HTR2C: variants seen among roughly 807,000 people sequenced by gnomAD.
The protein encoded by HTR2C is 5-hydroxytryptamine receptor 2C.
Under a neutral mutation model 21.0 loss-of-function variants are expected in HTR2C, and 5 were observed. The observed-to-expected ratio is 0.24, with a 90% CI of 0.12 to 0.50. The LOEUF (loss-of-function observed/expected upper bound fraction) is 0.50, where lower values mean the gene tolerates loss of function less well. Ranked by LOEUF, HTR2C falls within the 20% of genes least tolerant of loss-of-function variation. The probability of loss-of-function intolerance (pLI) is 0.98; values close to 1 mark genes in which losing one functional copy is unlikely to be tolerated. For synonymous variants in HTR2C, 150 were observed against 145.3 expected (o/e 1.03, Z -0.23); for missense variants, 271 against 371.2 (o/e 0.73, Z 2.22).
chrX:114,825,481 C>T (rs1468029116), intron 4 of HTR2C, among the ~76,000 whole-genome samples: 2 of 111,881 alleles, frequency 1.8e-5, no homozygotes, highest in Admixed American at 1.9e-4. Flanking sequence ...AGACAACACA[C>T]GTTGTTTGAT....
At chrX:114,775,817 C>T (rs1312681513) in intron 4 of HTR2C, 6 of 392,888 alleles carry the variant, frequency 1.5e-5, no homozygotes, top group South Asian at 3.5e-5. Flanking sequence ...TTTGACATCT[C>T]GAATGGCTTT....
intron 4 of HTR2C, among the ~76,000 whole-genome samples, chrX:114,839,857 T>A (rs2070818501): frequency 9.0e-6 from 1 of 110,872 alleles, no homozygotes; most frequent in South Asian, 3.8e-4. Flanking sequence ...TGCCTAAATC[T>A]CTAGATGACA....
intron 2 of HTR2C, among the ~76,000 whole-genome samples, chrX:114,724,932 T>A (rs1300514163): frequency 9.1e-6 from 1 of 109,590 alleles, no homozygotes; most frequent in Admixed American, 9.8e-5. Flanking sequence ...GACCTTTCTC[T>A]CTGGCTGCCT....
intron 1 of HTR2C, among the ~76,000 whole-genome samples, chrX:114,585,425 G>A (rs1313529726): frequency 1.3e-4 from 15 of 111,169 alleles, no homozygotes; most frequent in Admixed American, 1.1e-3. Flanking sequence ...ATTTTGAAAA[G>A]GATTGCGAAA....
Position 114,815,130 on chromosome X carries a change from A to G in HTR2C, c.350-32873A>G, listed in dbSNP as rs189770806. 7.1e-4 allele frequency among the ~76,000 whole-genome samples: 77 copies of G among 108,986 alleles called. No individual in the cohort carries two copies. In the East Asian group the frequency reaches 8.5e-3, roughly 12 times the overall value. 94.6% of individuals were successfully genotyped at this position (108,986 alleles called of 115,157 possible). A position where few individuals can be genotyped will look rare whatever the true frequency, so the allele number is the denominator to read the frequency against. On this transcript the variant is annotated intron_variant, in intron 4 of 5. Transcript: ENST00000276198. Reference sequence around the variant, plus strand: ...ACAGGTTTTCCTAGGAATATTGAGTAAAGTGCCTTTTCTGTACCTCTTTCA... The same window carrying G: ...ACAGGTTTTCCTAGGAATATTGAGTGAAGTGCCTTTTCTGTACCTCTTTCA...
chrX:114,589,722 AG>A, intron 1 of HTR2C: 1 of 269,597 alleles, frequency 3.7e-6, no homozygotes, highest in Non-Finnish European at 6.9e-6. Context: ...CTGTATGCCC[AG>A]GGAAAGCAGC....
chrX:114,639,628 T>C (rs781977122), intron 2 of HTR2C: 1 of 113,105 alleles, frequency 8.8e-6, no homozygotes, highest in South Asian at 3.7e-4. Flanking sequence ...AACACAGTGG[T>C]AATGTTTTGA....
chrX:114,726,196 G>C (rs5988116), intron 2 of HTR2C, among the ~76,000 whole-genome samples: 3 of 112,564 alleles, frequency 2.7e-5, no homozygotes, highest in African/African-American at 6.4e-5. Flanking sequence ...CTCGGAACCA[G>C]GTGCAGGATA....
At chrX:114,777,561 A>T (rs2070070937) in intron 4 of HTR2C, among the ~76,000 whole-genome samples, 1 of 111,697 alleles carries the variant, frequency 9.0e-6, no homozygotes, top group African/African-American at 3.3e-5. Context: ...ATTGGTATTT[A>T]TTTATTCATT....
At chrX:114,859,599 T>C (rs1556472313) in intron 5 of HTR2C, among the ~76,000 whole-genome samples, 1 of 111,184 alleles carries the variant, frequency 9.0e-6, no homozygotes, top group Non-Finnish European at 1.9e-5. Context: ...GTGTTTAGTT[T>C]ACTAAGAGTT....
chrX:114,668,692 A>AT (rs1235935395), intron 2 of HTR2C, among the ~76,000 whole-genome samples: 2 of 110,338 alleles, frequency 1.8e-5, no homozygotes, highest in Non-Finnish European at 3.8e-5. Context: ...ACCAAGAATT[A>AT]TTTTTTTTAC....
At chrX:114,675,097 C>T (rs1556412310) in intron 2 of HTR2C, among the ~76,000 whole-genome samples, 1 of 112,114 alleles carries the variant, frequency 8.9e-6, no homozygotes, top group East Asian at 2.8e-4. Context: ...GTAAATATTA[C>T]ATTAACATTT....
At chrX:114,807,129 C>T (rs375063427) in intron 4 of HTR2C, among the ~76,000 whole-genome samples, 987 of 9,202 alleles carry the variant, frequency 0.11, 413 homozygotes, top group Admixed American at 0.25. Context: ...ACCATATATA[C>T]ACCATATATA....
rs1265237405 is a variant in HTR2C, at chrX:114,909,221, G to C, written c.*1806G>C. On this transcript the variant is annotated 3_prime_UTR_variant, in exon 6 of 6. Coordinates refer to ENST00000276198, the MANE Select transcript of HTR2C (RefSeq NM_000868.4). ...TCAAGTCTACCTGCCTTGCCTGTTA[G>C]GTCTGTTGAAGTGCATGTTAAAATA... The C allele has an allele frequency of 3.6e-5, 4 of 112,417 alleles. No individual in the cohort carries two copies. Among genetic ancestry groups the C allele is most frequent in the Non-Finnish European group, 7.5e-5 (4 of 53,258 alleles). The allele number at this position is 112,417 out of a possible 1,213,427, so 9.3% of individuals were successfully genotyped here.
Position 114,798,878 on chromosome X carries a change from C to A in HTR2C, c.350-49125C>A, listed in dbSNP as rs56724129. Among the ~76,000 whole-genome samples the A allele has an allele frequency of 4.9e-3, 545 of 110,653 alleles. 2 individuals are homozygous for A. The highest frequency in any genetic ancestry group is 0.017 in the African/African-American group (524 of 30,567). ...CTCCTAAAACATTAGGAAACATCTC[C>A]TGTTAATTAAGTAGCTAATTACTGA... On this transcript the variant is annotated intron_variant, in intron 4 of 5. Coordinates refer to ENST00000276198, the MANE Select transcript of HTR2C (RefSeq NM_000868.4).
rs1420871390 is a variant in HTR2C, at chrX:114,909,147, T to G, written c.*1732T>G. On this transcript the variant is annotated 3_prime_UTR_variant, in exon 6 of 6. Coordinates refer to ENST00000276198, the MANE Select transcript of HTR2C (RefSeq NM_000868.4). Reference sequence around the variant, plus strand: ...ACAGTCTCTATTTGATTTGCAACACTGCCAAACATCAGTCAATTGCTTGAG... The same window carrying G: ...ACAGTCTCTATTTGATTTGCAACACGGCCAAACATCAGTCAATTGCTTGAG... 1 of 112,775 alleles carries G rather than the reference T, an allele frequency of 8.9e-6. No individual in the cohort carries two copies. Among genetic ancestry groups the G allele is most frequent in the African/African-American group, 3.2e-5 (1 of 31,006 alleles). The allele number at this position is 112,775 out of a possible 1,213,427, so 9.3% of individuals were successfully genotyped here.
At chrX:114,817,200 A>G (rs1363698373) in intron 4 of HTR2C, among the ~76,000 whole-genome samples, 2 of 111,549 alleles carry the variant, frequency 1.8e-5, no homozygotes, top group Non-Finnish European at 3.8e-5. Flanking sequence ...CACCTCCTAT[A>G]TACTGGAAAA....
chrX:114,653,743 A>G (rs1415153289), intron 2 of HTR2C, among the ~76,000 whole-genome samples: 2 of 110,592 alleles, frequency 1.8e-5, no homozygotes, highest in African/African-American at 6.5e-5. Context: ...AACACTTTCT[A>G]TAGGGTTGAA....
intron 5 of HTR2C, among the ~76,000 whole-genome samples, chrX:114,858,015 T>C (rs1556471600): frequency 9.0e-6 from 1 of 111,073 alleles, no homozygotes; most frequent in East Asian, 2.8e-4. Flanking sequence ...CAGGTTACCT[T>C]ATATATGTTG....
Sources: allele counts gnomAD v4.1 joint callset (sites outside exome capture counted in the v4.1 genomes callset), GRCh38; gene constraint gnomAD v4.1.1; transcripts MANE v1.5; gene names NCBI Gene and HGNC (gene_info 2026-07-23, HGNC 2026-07-21).